CACUL1: variants seen among roughly 807,000 people sequenced by gnomAD.
CACUL1 encodes the protein CDK2 associated cullin domain 1.
CACUL1 carries 13 observed loss-of-function variants against 45.2 expected under a neutral mutation model. The ratio of observed to expected loss-of-function variants is 0.29; its 90% CI spans 0.19 to 0.46. CACUL1 has a LOEUF of 0.46. Among genes scored for constraint, CACUL1 ranks in the 20% least tolerant of loss-of-function variants. The pLI, the probability that CACUL1 is intolerant of heterozygous loss-of-function variation, is 1.00. For synonymous variants in CACUL1, 197 were observed against 174.2 expected, an observed-to-expected ratio of 1.13 and a Z score of -1.03; for missense variants, 421 against 471.4, an observed-to-expected ratio of 0.89 and a Z score of 0.99.
chr10:118,699,272 T>G (rs1845353690), intron 5 of CACUL1, among the ~76,000 whole-genome samples: 1 of 152,312 alleles, frequency 6.6e-6, no homozygotes, highest in South Asian at 2.1e-4. Context: ...ATAAACTCAG[T>G]TTTTTCCAAT....
At chr10:118,717,925 C>T (rs777157962) in intron 3 of CACUL1, among the ~76,000 whole-genome samples, 1 of 151,892 alleles carries the variant, frequency 6.6e-6, no homozygotes, top group Non-Finnish European at 1.5e-5. Context: ...CTAAAGAAGC[C>T]GATGAACACA....
Position 118,677,004 on chromosome 10 carries a change from T to G in CACUL1, c.*9124A>C, listed in dbSNP as rs1185944727. 1 of 152,152 alleles carries G rather than the reference T, an allele frequency of 6.6e-6. No individual in the cohort carries two copies. Among genetic ancestry groups the G allele is most frequent in the African/African-American group, 2.4e-5 (1 of 41,434 alleles). The allele number at this position is 152,152 out of a possible 1,614,324, so 9.4% of individuals were successfully genotyped here. On this transcript the variant is annotated 3_prime_UTR_variant, in exon 9 of 9. Coordinates refer to ENST00000369151, the MANE Select transcript of CACUL1 (RefSeq NM_153810.5). ...ATACTACTTTCTAGTTTTTACAACA[T>G]TTTTTTCTTTTTTAGTTCACAATCT...
chr10:118,711,613 CA>C (rs1346029466), intron 3 of CACUL1, among the ~76,000 whole-genome samples: 18 of 152,086 alleles, frequency 1.2e-4, no homozygotes, highest in African/African-American at 4.3e-4. Flanking sequence ...GTTGTTTTTA[CA>C]AAAGATCACT....
intron 4 of CACUL1, among the ~76,000 whole-genome samples, chr10:118,704,350 A>C (rs1845413225): frequency 3.9e-5 from 6 of 152,148 alleles, no homozygotes; most frequent in Admixed American, 3.9e-4. Context: ...TGATCTGTCT[A>C]TCCCTGCCAC....
chr10:118,731,194 G>T (rs1398474101), intron 1 of CACUL1, among the ~76,000 whole-genome samples: 1 of 152,124 alleles, frequency 6.6e-6, no homozygotes, highest in Non-Finnish European at 1.5e-5. Context: ...GCTACCAGAA[G>T]AACCTGCCTA....
In CACUL1 at chr10:118,681,376, G is replaced by A. The variant is rs1379915983; in HGVS notation, c.*4752C>T. 1.3e-5 allele frequency: 2 copies of A among 152,184 alleles called. No individual in the cohort carries two copies. The highest frequency in any genetic ancestry group is 2.9e-5 in the Non-Finnish European group (2 of 68,032). The allele number at this position is 152,184 out of a possible 1,614,324, so 9.4% of individuals were successfully genotyped here. On this transcript the variant is annotated 3_prime_UTR_variant, in exon 9 of 9. Coordinates refer to ENST00000369151, the MANE Select transcript of CACUL1 (RefSeq NM_153810.5). ...ACATTTGAGTAAGTTATCCTGAAGTGTGTGGCTGTAATATTGACAAATAGA... is the reference window on the plus strand; with the variant it reads ...ACATTTGAGTAAGTTATCCTGAAGTATGTGGCTGTAATATTGACAAATAGA...
At chr10:118,747,175 A>T (rs1394180796) in intron 1 of CACUL1, among the ~76,000 whole-genome samples, 1 of 152,204 alleles carries the variant, frequency 6.6e-6, no homozygotes, top group East Asian at 1.9e-4. Flanking sequence ...TCTTCCACGC[A>T]ACTGGTCCCT....
intron 5 of CACUL1, among the ~76,000 whole-genome samples, chr10:118,696,974 T>G (rs577064601): frequency 1.4e-5 from 2 of 147,292 alleles, no homozygotes; most frequent in South Asian, 2.1e-4. Context: ...TGAAATCCCC[T>G]ATGTCAAATT....
intron 3 of CACUL1, among the ~76,000 whole-genome samples, chr10:118,726,559 T>C (rs1372976706): frequency 6.6e-6 from 1 of 152,110 alleles, no homozygotes; most frequent in Admixed American, 6.6e-5. Context: ...GAAATGCCAA[T>C]AGTCTGTTCG....
At chr10:118,695,523 A>T (rs954092527) in intron 5 of CACUL1, among the ~76,000 whole-genome samples, 1 of 152,250 alleles carries the variant, frequency 6.6e-6, no homozygotes, top group Non-Finnish European at 1.5e-5. Context: ...ATGATACATT[A>T]TAAGTGAGTT....
intron 1 of CACUL1, among the ~76,000 whole-genome samples, chr10:118,748,386 C>A (rs903225119): frequency 3.3e-5 from 5 of 152,196 alleles, no homozygotes; most frequent in Non-Finnish European, 7.4e-5. Context: ...CACAGAACCA[C>A]TGAGAGAGCA....
At chr10:118,718,734 C>T (rs889056403) in intron 3 of CACUL1, among the ~76,000 whole-genome samples, 4 of 152,184 alleles carry the variant, frequency 2.6e-5, no homozygotes, top group East Asian at 1.9e-4. Flanking sequence ...CCACCACGCC[C>T]GGCTAATTTT....
At chr10:118,712,182 T>G (rs1845492045) in intron 3 of CACUL1, among the ~76,000 whole-genome samples, 1 of 152,206 alleles carries the variant, frequency 6.6e-6, no homozygotes. Context: ...GGTGGCGCCT[T>G]TACCTGAGTT....
At chr10:118,726,790 G>A (rs1235979113) in intron 3 of CACUL1, among the ~76,000 whole-genome samples, 1 of 152,098 alleles carries the variant, frequency 6.6e-6, no homozygotes, top group East Asian at 1.9e-4. Context: ...AGATAGTCTA[G>A]TAAATCTACT....
intron 7 of CACUL1, among the ~76,000 whole-genome samples, chr10:118,689,014 C>T (rs900563491): frequency 3.9e-5 from 6 of 152,096 alleles, no homozygotes; most frequent in African/African-American, 1.4e-4. Context: ...GAAAAAGTGC[C>T]CATAACAATG....
At chr10:118,709,244 G>C (rs1845462526) in intron 3 of CACUL1, among the ~76,000 whole-genome samples, 1 of 152,158 alleles carries the variant, frequency 6.6e-6, no homozygotes, top group African/African-American at 2.4e-5. Flanking sequence ...GCTGTGTCAG[G>C]GGTGGGAGAA....
intron 3 of CACUL1, among the ~76,000 whole-genome samples, chr10:118,724,019 C>G (rs1298089701): frequency 6.6e-6 from 1 of 152,166 alleles, no homozygotes; most frequent in African/African-American, 2.4e-5. Flanking sequence ...CCCTCCTTGT[C>G]CTCCCAAAGT....
In CACUL1 at chr10:118,695,185, G is replaced by A; in HGVS notation, c.842C>T (p.Ser281Leu). The change falls in exon 6 of 9, where the codon TCA becomes TTA. Residue 281 changes from serine to leucine, a missense_variant. Ser to Leu is a moderately radical substitution (Grantham distance 145). Around this residue, in one of 2 missense-constraint regions of CACUL1, gnomAD observed 208 missense variants for 298.4 expected, o/e 0.70. Transcript: ENST00000369151. ...GCCTTTCACAATATTTGCCATAGTT[G>A]AAGGTGTGACCTGAAATGGTGTTGA... ...AQSTPFQVTP[S>L]TMANIVKGLY... 6.2e-7 allele frequency: 1 copy of A among 1,609,604 alleles called. No homozygotes were observed. The highest frequency in any genetic ancestry group is 1.1e-5 in the South Asian group (1 of 90,994).
chr10:118,693,717 A>G (rs1364139836), intron 6 of CACUL1: 1 of 456,954 alleles, frequency 2.2e-6, no homozygotes, highest in East Asian at 6.9e-5. Context: ...TTCAGGAGCC[A>G]TCTTCATCAC....
Sources: allele counts gnomAD v4.1 joint callset (sites outside exome capture counted in the v4.1 genomes callset), GRCh38; gene constraint gnomAD v4.1.1; regional missense constraint gnomAD v4.1.1; transcripts MANE v1.5; gene names NCBI Gene and HGNC (gene_info 2026-07-23, HGNC 2026-07-21).